The following ANAPC2 variants were observed in gnomAD, a reference collection of about 807,000 sequenced individuals.
ANAPC2 encodes the protein anaphase promoting complex subunit 2, also known as anaphase-promoting complex subunit 2.
ANAPC2 carries 29 observed loss-of-function variants against 84.3 expected under a neutral mutation model. The observed-to-expected ratio is 0.34, with a 90% CI of 0.26 to 0.47. The LOEUF is 0.47. Among genes scored for constraint, ANAPC2 ranks in the 20% least tolerant of loss-of-function variants. The probability of loss-of-function intolerance (pLI) is 1.00; values close to 1 mark genes in which losing one functional copy is unlikely to be tolerated. For missense variants in ANAPC2, 857 were observed against 1,131.7 expected (o/e 0.76, Z 3.48); for synonymous variants, 571 against 479.4 (o/e 1.19, Z -2.50).
intron 10 of ANAPC2, chr9:137,177,126 G>A (rs1834239581): frequency 6.6e-6 from 1 of 152,228 alleles, no homozygotes; most frequent in Non-Finnish European, 1.5e-5. Flanking sequence ...CTTCGGCACT[G>A]GTGAGCTGCA....
At chr9:137,178,280 T>C (rs763320377) in intron 10 of ANAPC2, among the ~76,000 whole-genome samples, 68 of 152,234 alleles carry the variant, frequency 4.5e-4, no homozygotes, top group Non-Finnish European at 8.5e-4. Flanking sequence ...GTGGGCTGCA[T>C]GGCCAGCCAC....
intron 7 of ANAPC2, 107 bp downstream of exon 7, chr9:137,181,574 C>G (rs1040231636): frequency 8.0e-7 from 1 of 1,255,904 alleles, no homozygotes; most frequent in African/African-American, 1.5e-5. Context: ...GAGACACTAG[C>G]GACACCTGAC....
intron 1 of ANAPC2, 54 bp downstream of exon 1, chr9:137,188,362 G>T: frequency 6.4e-7 from 1 of 1,557,212 alleles, no homozygotes; most frequent in Non-Finnish European, 8.7e-7. Flanking sequence ...GCCCCAAAGC[G>T]CGTACGGTCC....
At chr9:137,177,819 G>A (rs1055220427) in intron 10 of ANAPC2, among the ~76,000 whole-genome samples, 1 of 152,154 alleles carries the variant, frequency 6.6e-6, no homozygotes, top group African/African-American at 2.4e-5. Flanking sequence ...TTCTAAGAGG[G>A]AGATAGGAAC....
In ANAPC2 at chr9:137,186,323, G is replaced by A. The variant is rs754303753; in HGVS notation, c.774C>T (p.Ala258=). The change falls in exon 3 of 13, where the codon GCC becomes GCT. Residue 258 remains alanine (A), a synonymous_variant. Transcript: ENST00000323927. ...HRLSLLERVS[A]EAVTTTLHQV... The stretch of plus-strand genomic sequence containing the variant: ...GGTGCAGGGTGGTGGTCACAGCCTC[G>A]GCACTGACCCGCTCCAGCAGACTGA... 8 of 1,610,296 alleles carry A rather than the reference G, an allele frequency of 5.0e-6. No homozygotes were observed. The highest frequency in any genetic ancestry group is 1.1e-5 in the South Asian group (1 of 90,716).
In ANAPC2 at chr9:137,183,257, G is replaced by A. The variant is rs765828180; in HGVS notation, c.1169-15C>T. ...CGTGTTGACGCCTACAGCCAGGGCA[G>A]AAGCCAGCAGTCATGCAGTGCCCGG... On this transcript the variant is annotated splice_polypyrimidine_tract_variant and intron_variant, in intron 5 of 12. Coordinates refer to ENST00000323927, the MANE Select transcript of ANAPC2 (RefSeq NM_013366.4). 4 of 1,603,518 alleles carry A rather than the reference G, an allele frequency of 2.5e-6. No homozygotes were observed. Among genetic ancestry groups the A allele is most frequent in the South Asian group, 1.1e-5 (1 of 90,874 alleles).
chr9:137,187,100 G>A (rs1225525110), intron 2 of ANAPC2: 10 of 222,198 alleles, frequency 4.5e-5, no homozygotes, highest in Non-Finnish European at 8.1e-5. Flanking sequence ...GAGAGAAGCA[G>A]CAGCAAGCTT....
chr9:137,175,026 C>T lies in ANAPC2; in HGVS notation c.2385G>A (p.Leu795=). 1 of 1,604,236 alleles carries T rather than the reference C, an allele frequency of 6.2e-7. No homozygotes were observed. Among genetic ancestry groups the T allele is most frequent in the Non-Finnish European group, 8.5e-7 (1 of 1,176,290 alleles). ...GCACCTTCTTCTGCAGGTAGCCCTG[C>T]AGCTCCTGCAGGTCAATCTCGGCCA... ...PALAEIDLQE[L]QGYLQKKVRD... The change falls in exon 13 of 13, where the codon CTG becomes CTA. Residue 795 remains leucine (L), a synonymous_variant. Coordinates refer to ENST00000323927, the MANE Select transcript of ANAPC2 (RefSeq NM_013366.4).
In ANAPC2 at chr9:137,187,756, A is replaced by T; in HGVS notation, c.465T>A (p.Thr155=). Reference sequence around the variant, plus strand: ...TAAAGAACAAGACTCCGCGCAACATAGTGTGGACTTCTTCTCGCAGCCCCT... The same window carrying T: ...TAAAGAACAAGACTCCGCGCAACATTGTGTGGACTTCTTCTCGCAGCCCCT... ...GAQGLREEVH[T]MLRGVLFFST... The change falls in exon 2 of 13, where the codon ACT becomes ACA. Residue 155 remains threonine (T), a synonymous_variant. Coordinates refer to ENST00000323927, the MANE Select transcript of ANAPC2 (RefSeq NM_013366.4). 1.2e-6 allele frequency: 2 copies of T among 1,613,766 alleles called. No individual in the cohort carries two copies. The highest frequency in any genetic ancestry group is 1.7e-6 in the Non-Finnish European group (2 of 1,180,032).
At chr9:137,181,240 C>A (rs1024201773) in intron 7 of ANAPC2, among the ~76,000 whole-genome samples, 9 of 152,232 alleles carry the variant, frequency 5.9e-5, no homozygotes, top group Non-Finnish European at 1.3e-4. Flanking sequence ...CCATCTGTGC[C>A]AGGGCAGGGG....
In ANAPC2 at chr9:137,175,336, C is replaced by T; in HGVS notation, c.2157G>A (p.Glu719=). ...PPGTFSVIEE[E]RPQDRDNMVL... The stretch of plus-strand genomic sequence containing the variant: ...CCATGTTGTCCCGGTCCTGAGGCCG[C>T]TCCTCCTCAATGACAGAGAAGGTGC... The change falls in exon 12 of 13, where the codon GAG becomes GAA. Residue 719 remains glutamate, a synonymous_variant. Coordinates refer to ENST00000323927, the MANE Select transcript of ANAPC2 (RefSeq NM_013366.4). 1 of 1,612,608 alleles carries T rather than the reference C, an allele frequency of 6.2e-7. No individual in the cohort carries two copies.
intron 2 of ANAPC2, 102 bp from the exon 3 acceptor site, chr9:137,186,458 G>GCACA (rs148147354): frequency 7.1e-5 from 95 of 1,330,308 alleles, no homozygotes; most frequent in Admixed American, 2.8e-4. Context: ...AGTGCATGCA[G>GCACA]CACACACACA....
In ANAPC2 at chr9:137,175,264, C is replaced by T; in HGVS notation, c.2229G>A (p.Gln743=). 1 of 1,612,586 alleles carries T rather than the reference C, an allele frequency of 6.2e-7. No homozygotes were observed. The highest frequency in any genetic ancestry group is 8.5e-7 in the Non-Finnish European group (1 of 1,179,824). Reference sequence around the variant, plus strand: ...GCAGCTCCTCCTCCTTCTGGTCGGCCTGGGAGGCCATGCCGGAGTCGCTCT... The same window carrying T: ...GCAGCTCCTCCTCCTTCTGGTCGGCTTGGGAGGCCATGCCGGAGTCGCTCT... ...DDESDSGMAS[Q]ADQKEEELLL... The change falls in exon 12 of 13, where the codon CAG becomes CAA. Residue 743 remains glutamine, a synonymous_variant. Transcript: ENST00000323927.
At chr9:137,180,627 C>T in intron 8 of ANAPC2, 100 bp from the exon 9 acceptor site, 2 of 1,576,200 alleles carry the variant, frequency 1.3e-6, no homozygotes, top group Non-Finnish European at 8.7e-7. Flanking sequence ...GAGCAGGGAG[C>T]CTGTGTGGGC....
At position 137,175,036 on chromosome 9, in the gene ANAPC2, A is replaced by G; in HGVS notation, c.2375T>C (p.Leu792Pro). The change falls in exon 13 of 13, where the codon CTG becomes CCG. Residue 792 changes from leucine to proline, a missense_variant. Leu to Pro is a moderately conservative substitution (Grantham distance 98, BLOSUM62 -3). Transcript: ENST00000323927. ...VTGPALAEID[L>P]QELQGYLQKK... is the part of the protein sequence containing the mutation. The stretch of plus-strand genomic sequence containing the variant: ...CTGCAGGTAGCCCTGCAGCTCCTGC[A>G]GGTCAATCTCGGCCAGTGCAGGCCC... The G allele has an allele frequency of 3.7e-6, 6 of 1,605,380 alleles. No individual in the cohort carries two copies. Among genetic ancestry groups the G allele is most frequent in the Non-Finnish European group, 5.1e-6 (6 of 1,176,838 alleles).
Position 137,180,444 on chromosome 9 carries a change from G to A in ANAPC2, c.1686+8C>T. Reference sequence around the variant, plus strand: ...GGCGGCCGGGCAGCGGGCGGGGCTGGGACCCACCTTCAGCATGACTTCACA... The same window carrying A: ...GGCGGCCGGGCAGCGGGCGGGGCTGAGACCCACCTTCAGCATGACTTCACA... On this transcript the variant is annotated splice_region_variant and intron_variant, in intron 9 of 12. Coordinates refer to ENST00000323927, the MANE Select transcript of ANAPC2 (RefSeq NM_013366.4). The A allele has an allele frequency of 6.2e-7, 1 of 1,612,854 alleles. No individual in the cohort carries two copies. The highest frequency in any genetic ancestry group is 8.5e-7 in the Non-Finnish European group (1 of 1,179,922).
chr9:137,180,832 C>T lies in ANAPC2; in HGVS notation c.1566G>A (p.Leu522=). 2 of 1,612,810 alleles carry T rather than the reference C, an allele frequency of 1.2e-6. No homozygotes were observed. The highest frequency in any genetic ancestry group is 1.7e-6 in the Non-Finnish European group (2 of 1,179,938). The part of the protein sequence containing the change: ...KDLFINEYRS[L]LADRLLHQFS... ...ACTGGTGCAGCAGGCGGTCGGCCAG[C>T]AGCGAGCGGTACTCATTGATGAAGA... is the stretch of plus-strand genomic sequence containing the variant. Residue 522 remains leucine, a synonymous_variant, in exon 8 of 13, where the codon CTG becomes CTA. Coordinates refer to ENST00000323927, the MANE Select transcript of ANAPC2 (RefSeq NM_013366.4).
chr9:137,188,340 C>T, intron 1 of ANAPC2, 76 bp downstream of exon 1: 1 of 1,486,104 alleles, frequency 6.7e-7, no homozygotes, highest in Non-Finnish European at 9.1e-7. Flanking sequence ...CCGTATGAAC[C>T]CGAGGGTAGC....
intron 10 of ANAPC2, among the ~76,000 whole-genome samples, chr9:137,178,369 C>G (rs947564606): frequency 2.6e-5 from 4 of 152,350 alleles, no homozygotes; most frequent in South Asian, 4.1e-4. Context: ...CTGAGCCACT[C>G]CTGTGTCCCA....
Sources: gnomAD v4.1 joint callset for allele counts (sites outside exome capture counted in the v4.1 genomes callset) on GRCh38, gnomAD v4.1.1 for gene constraint, MANE v1.5 for transcripts, NCBI Gene and HGNC (gene_info 2026-07-23, HGNC 2026-07-21) for gene names.